The following CAMKMT variants were observed in gnomAD, a reference collection of about 807,000 sequenced individuals.
CAMKMT encodes the protein CaM KMT.
In CAMKMT, 53 loss-of-function variants were observed where a neutral mutation model predicts 48.0. The observed-to-expected ratio is 1.10, with a 90% confidence interval of 0.89 to 1.39. CAMKMT has a LOEUF of 1.39. CAMKMT is among the 40% of genes most tolerant of loss of function. The pLI, the probability that CAMKMT is intolerant of heterozygous loss-of-function variation, is 0.00. For synonymous variants in CAMKMT, 165 were observed against 152.3 expected, an observed-to-expected ratio of 1.08 and a Z score of -0.61; for missense variants, 428 against 402.7, an observed-to-expected ratio of 1.06 and a Z score of -0.54.
intron 3 of CAMKMT, among the ~76,000 whole-genome samples, chr2:44,600,184 C>T: frequency 6.6e-6 from 1 of 152,110 alleles, no homozygotes. Context: ...AAACTCTGCT[C>T]ATAATAACAG....
At chr2:44,485,775 GCA>G (rs1669187985) in intron 3 of CAMKMT, among the ~76,000 whole-genome samples, 1 of 152,130 alleles carries the variant, frequency 6.6e-6, no homozygotes, top group African/African-American at 2.4e-5. Context: ...ACATCCTTAT[GCA>G]ACAGATGACT....
intron 3 of CAMKMT, among the ~76,000 whole-genome samples, chr2:44,497,708 A>AG (rs58656756): frequency 0.078 from 8,717 of 111,780 alleles, 902 homozygotes; most frequent in African/African-American, 0.25. Flanking sequence ...TTAAGCAGGC[A>AG]AAGAGAGAGA....
At chr2:44,497,215 G>A (rs1218661435) in intron 3 of CAMKMT, among the ~76,000 whole-genome samples, 1 of 152,188 alleles carries the variant, frequency 6.6e-6, no homozygotes, top group African/African-American at 2.4e-5. Flanking sequence ...AATGTTGACA[G>A]ATAACTACAC....
chr2:44,496,734 G>A (rs746645699), intron 3 of CAMKMT, among the ~76,000 whole-genome samples: 1 of 152,228 alleles, frequency 6.6e-6, no homozygotes, highest in Non-Finnish European at 1.5e-5. Flanking sequence ...CAAATGTGGT[G>A]TTCCAGTTTT....
intron 7 of CAMKMT, among the ~76,000 whole-genome samples, chr2:44,719,505 A>G (rs574869890): frequency 6.6e-6 from 1 of 152,308 alleles, no homozygotes; most frequent in South Asian, 2.1e-4. Flanking sequence ...AGGGAGGGAA[A>G]CAGATCATGT....
intron 3 of CAMKMT, among the ~76,000 whole-genome samples, chr2:44,436,508 C>A (rs1666264464): frequency 6.6e-6 from 1 of 151,880 alleles, no homozygotes; most frequent in Non-Finnish European, 1.5e-5. Context: ...TGTAAAAGGT[C>A]AGATAGTAAA....
Position 44,601,688 on chromosome 2 carries a change from A to G in CAMKMT, c.377-102595A>G, listed in dbSNP as rs541413663. Among the ~76,000 whole-genome samples the G allele has an allele frequency of 1.1e-3, 161 of 151,832 alleles. 1 individual carries two copies. The highest frequency in any genetic ancestry group is 1.5e-5 in the Non-Finnish European group (1 of 67,940). On this transcript the variant is annotated intron_variant, in intron 3 of 10. Coordinates refer to ENST00000378494, the MANE Select transcript of CAMKMT (RefSeq NM_024766.5). Reference sequence around the variant, plus strand: ...TACTATTCTCTAAATTCCATTCATTATTTTATTTTTTTCTTGCTCTAAGAC... The same window carrying G: ...TACTATTCTCTAAATTCCATTCATTGTTTTATTTTTTTCTTGCTCTAAGAC...
intron 3 of CAMKMT, among the ~76,000 whole-genome samples, chr2:44,465,297 T>TA (rs1418664442): frequency 4.0e-5 from 6 of 151,792 alleles, no homozygotes; most frequent in African/African-American, 9.7e-5. Flanking sequence ...AACACATCAC[T>TA]AAAAAAATCA....
At chr2:44,705,111 T>C (rs990179839) in intron 4 of CAMKMT, among the ~76,000 whole-genome samples, 1 of 152,206 alleles carries the variant, frequency 6.6e-6, no homozygotes. Context: ...TTTAACCGTA[T>C]GTACTTACAA....
At chr2:44,535,453 C>T (rs1666722331) in intron 3 of CAMKMT, among the ~76,000 whole-genome samples, 1 of 152,124 alleles carries the variant, frequency 6.6e-6, no homozygotes, top group Non-Finnish European at 1.5e-5. Flanking sequence ...AACTACAGGC[C>T]AATATTTCTG....
intron 3 of CAMKMT, among the ~76,000 whole-genome samples, chr2:44,548,147 AT>A (rs1667507392): frequency 2.6e-5 from 4 of 152,224 alleles, no homozygotes; most frequent in Admixed American, 2.6e-4. Context: ...TTCAACAAGT[AT>A]TTACTTAGCA....
At chr2:44,398,705 G>A (rs141842342) in intron 3 of CAMKMT, among the ~76,000 whole-genome samples, 33 of 149,970 alleles carry the variant, frequency 2.2e-4, no homozygotes, top group Middle Eastern at 3.4e-3. Flanking sequence ...TTACATAAAC[G>A]TAAATCACCC....
intron 3 of CAMKMT, among the ~76,000 whole-genome samples, chr2:44,678,953 A>G (rs1430885159): frequency 6.6e-6 from 1 of 152,168 alleles, no homozygotes; most frequent in Non-Finnish European, 1.5e-5. Flanking sequence ...TTCTCTCTAC[A>G]TTGAGTTGAA....
intron 3 of CAMKMT, among the ~76,000 whole-genome samples, chr2:44,584,951 A>T (rs544660209): frequency 5.2e-4 from 79 of 152,008 alleles, no homozygotes; most frequent in East Asian, 9.7e-4. Flanking sequence ...GCTACTTGGG[A>T]GGCTGAGGCA....
chr2:44,705,562 C>G (rs1677508206), intron 4 of CAMKMT: 8 of 980,946 alleles, frequency 8.2e-6, no homozygotes, highest in Non-Finnish European at 9.7e-6. Flanking sequence ...CCACCCTAGA[C>G]TGTCAGCTTT....
chr2:44,753,242 G>A, intron 8 of CAMKMT, among the ~76,000 whole-genome samples: 1 of 118,770 alleles, frequency 8.4e-6, no homozygotes, highest in Non-Finnish European at 1.7e-5. Context: ...GTGAGACCCT[G>A]TCCCTACAAA....
intron 3 of CAMKMT, among the ~76,000 whole-genome samples, chr2:44,482,735 A>G (rs973753401): frequency 1.6e-4 from 24 of 152,190 alleles, no homozygotes; most frequent in African/African-American, 5.3e-4. Flanking sequence ...TGTAGAATCC[A>G]TGTTGGATAT....
chr2:44,666,965 C>A (rs1675019540), intron 3 of CAMKMT, among the ~76,000 whole-genome samples: 1 of 152,154 alleles, frequency 6.6e-6, no homozygotes, highest in African/African-American at 2.4e-5. Flanking sequence ...TTGCCTACCC[C>A]CAAACCTTCT....
At chr2:44,434,666 T>TTGTG (rs78290319) in intron 3 of CAMKMT, among the ~76,000 whole-genome samples, 1 of 151,968 alleles carries the variant, frequency 6.6e-6, no homozygotes, top group African/African-American at 2.4e-5. Context: ...TGAAGCAGCT[T>TTGTG]TGTGTGTGTG....
Sources: gnomAD v4.1 joint callset for allele counts (sites outside exome capture counted in the v4.1 genomes callset) on GRCh38, gnomAD v4.1.1 for gene constraint, MANE v1.5 for transcripts, NCBI Gene and HGNC (gene_info 2026-07-23, HGNC 2026-07-21) for gene names.